P2RX5: variants seen among roughly 807,000 people sequenced by gnomAD.
The protein encoded by P2RX5 is purinergic receptor P2X 5.
In P2RX5, 46 loss-of-function variants were observed where a neutral mutation model predicts 54.1. The observed-to-expected ratio is 0.85, with a 90% CI of 0.67 to 1.09. The LOEUF (loss-of-function observed/expected upper bound fraction) is 1.09, where lower values mean the gene tolerates loss of function less well. Ranked by LOEUF, P2RX5 falls within the 50% of genes least tolerant of loss-of-function variation. P2RX5 has a pLI of 0.00. For missense variants in P2RX5, 566 were observed against 549.8 expected (o/e 1.03, Z -0.29); for synonymous variants, 226 against 226.4 (o/e 1.00, Z 0.02).
intron 1 of P2RX5, 144 bp from the exon 2 acceptor site, chr17:3,691,938 T>G: frequency 1.2e-6 from 1 of 812,566 alleles, no homozygotes; most frequent in Non-Finnish European, 2.1e-6. Context: ...CACCAGCTCC[T>G]GGGCAGGGGC....
At chr17:3,681,834 C>G (rs2654680) in intron 10 of P2RX5, 62 bp downstream of exon 10, 6 of 1,143,132 alleles carry the variant, frequency 5.2e-6, no homozygotes, top group African/African-American at 1.5e-5. Flanking sequence ...GGCAAAGGCT[C>G]GAAGCCACGG....
chr17:3,673,598 C>G lies in P2RX5; in HGVS notation c.*270G>C. ...CATGTTCCCCATTTACAACCCGTTC[C>G]CTAGTGCGGGAAGCCAGCCACGGAG... On this transcript the variant is annotated 3_prime_UTR_variant, in exon 12 of 12. Coordinates refer to ENST00000225328, the MANE Select transcript of P2RX5 (RefSeq NM_002561.4). The G allele has an allele frequency of 7.1e-7, 1 of 1,408,728 alleles. No individual in the cohort carries two copies. Among genetic ancestry groups the G allele is most frequent in the South Asian group, 1.5e-5 (1 of 65,928 alleles). 87.3% of individuals were successfully genotyped at this position (1,408,728 alleles called of 1,614,324 possible). A position where few individuals can be genotyped will look rare whatever the true frequency, so the allele number is the denominator to read the frequency against.
intron 9 of P2RX5, among the ~76,000 whole-genome samples, chr17:3,684,994 T>C (rs547713588): frequency 3.1e-4 from 47 of 152,148 alleles, no homozygotes; most frequent in African/African-American, 6.7e-4. Context: ...TACAAGCATG[T>C]GCCACCACAC....
chr17:3,681,953 A>G lies in P2RX5; in HGVS notation c.1007T>C (p.Leu336Pro). Reference sequence around the variant, plus strand: ...CTCTCTCTTTTTGATGAGGTAGATGAGTACCAGGTCGCAGAAGAAAGCACC... The same window carrying G: ...CTCTCTCTTTTTGATGAGGTAGATGGGTACCAGGTCGCAGAAGAAAGCACC... ...GKGAFFCDLV[L>P]IYLIKKREFY... The change falls in exon 10 of 12, where the codon CTC becomes CCC. Residue 336 changes from leucine to proline, a missense_variant. Transcript: ENST00000225328. 1 of 1,613,578 alleles carries G rather than the reference A, an allele frequency of 6.2e-7. No individual in the cohort carries two copies. Among genetic ancestry groups the G allele is most frequent in the Non-Finnish European group, 8.5e-7 (1 of 1,179,572 alleles).
At chr17:3,684,516 C>T (rs145340681) in intron 9 of P2RX5, among the ~76,000 whole-genome samples, 3,214 of 152,218 alleles carry the variant, frequency 0.021, 65 homozygotes, top group Non-Finnish European at 0.031. Context: ...GTGGGAGGAT[C>T]GCTTGAGCCC....
upstream of P2RX5, among the ~76,000 whole-genome samples, chr17:3,697,968 ATC>A (rs1312049649): frequency 1.3e-5 from 2 of 151,906 alleles, no homozygotes; most frequent in African/African-American, 4.8e-5. Flanking sequence ...GCCTTTGGAC[ATC>A]TCTGTATGTC....
intron 11 of P2RX5, chr17:3,678,026 G>A (rs2050143642): frequency 1.0e-6 from 1 of 985,322 alleles, no homozygotes; most frequent in Non-Finnish European, 1.2e-6. Context: ...GCTGCGGGTT[G>A]TTCTGGCCCC....
intron 2 of P2RX5, among the ~76,000 whole-genome samples, chr17:3,691,266 C>T (rs1055041914): frequency 6.6e-6 from 1 of 152,222 alleles, no homozygotes; most frequent in Non-Finnish European, 1.5e-5. Flanking sequence ...GAGAAGTGGG[C>T]GCAGGGCTCA....
chr17:3,705,815 A>G, the P2RX5 span, among the ~76,000 whole-genome samples: 3 of 151,898 alleles, frequency 2.0e-5, no homozygotes, highest in African/African-American at 7.3e-5. Flanking sequence ...TTCTTTTTTG[A>G]GATGGTGTCT....
chr17:3,723,220 A>C, the P2RX5 span: 1 of 1,059,812 alleles, frequency 9.4e-7, no homozygotes, highest in Non-Finnish European at 1.5e-6. Flanking sequence ...AGATGCTATT[A>C]TCTCTTCTAG....
the P2RX5 span, among the ~76,000 whole-genome samples, chr17:3,719,701 T>C: frequency 6.7e-6 from 1 of 148,702 alleles, no homozygotes; most frequent in African/African-American, 2.6e-5. Flanking sequence ...CAAAAAACAA[T>C]TTCTCACTTA....
chr17:3,684,364 G>A (rs1038960950), intron 9 of P2RX5, among the ~76,000 whole-genome samples: 5 of 152,258 alleles, frequency 3.3e-5, no homozygotes, highest in Admixed American at 3.3e-4. Context: ...AGCACTTGGG[G>A]AGGCCAATGC....
chr17:3,723,541 T>A, the P2RX5 span: 1 of 1,033,560 alleles, frequency 9.7e-7, no homozygotes, highest in East Asian at 2.6e-5. Flanking sequence ...GCGGGAGCAA[T>A]TGAGACCCAG....
rs762578249 is a variant in P2RX5, at chr17:3,687,995, G to A, written c.981+17C>T. On this transcript the variant is annotated intron_variant, in intron 9 of 11. Coordinates refer to ENST00000225328, the MANE Select transcript of P2RX5 (RefSeq NM_002561.4). Reference sequence around the variant, plus strand: ...CCGCCCCCCGCCCAGCCTCAGAACAGGAGAAGGCACACGCACCTTGCCGTT... The same window carrying A: ...CCGCCCCCCGCCCAGCCTCAGAACAAGAGAAGGCACACGCACCTTGCCGTT... 3 of 1,261,660 alleles carry A rather than the reference G, an allele frequency of 2.4e-6. No homozygotes were observed. In the South Asian group the frequency reaches 3.8e-5, roughly 16 times the overall value. 78.2% of individuals were successfully genotyped at this position (1,261,660 alleles called of 1,614,324 possible).
Position 3,690,979 on chromosome 17 carries a change from G to C in P2RX5, c.337C>G (p.Gln113Glu), listed in dbSNP as rs545540886. ...ACCTCAGCACAGACGTTCTGCCGCT[G>C]GTTGGGGGTCACAATCAGGTTGGTG... ...VVTNLIVTPN[Q>E]RQNVCAENEG... The change falls in exon 3 of 12, where the codon CAG becomes GAG. Residue 113 changes from glutamine to glutamate, a missense_variant. Gln to Glu is a conservative substitution (Grantham distance 29). Coordinates refer to ENST00000225328, the MANE Select transcript of P2RX5 (RefSeq NM_002561.4). The C allele has an allele frequency of 6.4e-7, 1 of 1,555,116 alleles. No individual in the cohort carries two copies. The highest frequency in any genetic ancestry group is 1.9e-5 in the Admixed American group (1 of 51,770).
chr17:3,684,673 A>G (rs895377447), intron 9 of P2RX5, among the ~76,000 whole-genome samples: 1 of 152,114 alleles, frequency 6.6e-6, no homozygotes, highest in Admixed American at 6.5e-5. Flanking sequence ...GAAATAGAAA[A>G]CAAACAAAAA....
upstream of P2RX5, among the ~76,000 whole-genome samples, chr17:3,698,411 C>T (rs1214494023): frequency 6.6e-6 from 1 of 152,106 alleles, no homozygotes; most frequent in Non-Finnish European, 1.5e-5. Flanking sequence ...CAAGGGAGTT[C>T]CAGGTTTTGT....
At chr17:3,706,393 C>G in the P2RX5 span, among the ~76,000 whole-genome samples, 1 of 152,042 alleles carries the variant, frequency 6.6e-6, no homozygotes, top group Admixed American at 6.6e-5. Flanking sequence ...CTGTGCCTGG[C>G]CCATAGAAGA....
At position 3,688,045 on chromosome 17, in the gene P2RX5, G is replaced by C. The variant is rs754308667; in HGVS notation, c.948C>G (p.Tyr316Ter). Residue 316 changes from tyrosine (Y) to a stop codon, truncating the protein, a stop_gained, in exon 9 of 12, where the codon TAC becomes TAG. Coordinates refer to ENST00000225328, the MANE Select transcript of P2RX5 (RefSeq NM_002561.4). LOFTEE classifies it high-confidence loss of function. ...GVEFRTLMKA[Y>*]GIRFDVMVNG... ...TCACCATCACGTCAAAGCGGATCCCGTAGGCTTTCATCAGGGTGCGGAACT... is the reference window on the plus strand; with the variant it reads ...TCACCATCACGTCAAAGCGGATCCCCTAGGCTTTCATCAGGGTGCGGAACT... 126 of 1,599,044 alleles carry C rather than the reference G, an allele frequency of 7.9e-5. No individual in the cohort carries two copies. Among genetic ancestry groups the C allele is most frequent in the Non-Finnish European group, 1.0e-4 (122 of 1,173,900 alleles).
Sources: gnomAD v4.1 joint callset for allele counts (sites outside exome capture counted in the v4.1 genomes callset) on GRCh38, gnomAD v4.1.1 for gene constraint, MANE v1.5 for transcripts, NCBI Gene and HGNC (gene_info 2026-07-23, HGNC 2026-07-21) for gene names.